The following RALGAPA1 variants were observed in gnomAD, a reference collection of about 807,000 sequenced individuals.
RALGAPA1 encodes Ral GTPase activating protein catalytic subunit alpha 1.
RALGAPA1 carries 52 observed loss-of-function variants against 269.6 expected under a neutral mutation model. That is an observed-to-expected ratio of 0.19 (90% CI 0.15 to 0.24). RALGAPA1 has a LOEUF of 0.24. Among genes scored for constraint, RALGAPA1 ranks in the 10% least tolerant of loss-of-function variants. The probability of loss-of-function intolerance (pLI) is 1.00; values close to 1 mark genes in which losing one functional copy is unlikely to be tolerated. For synonymous variants in RALGAPA1, 817 were observed against 1,008.3 expected, an observed-to-expected ratio of 0.81 and a Z score of 3.60; for missense variants, 1,917 against 3,013.9, an observed-to-expected ratio of 0.64 and a Z score of 8.52.
chr14:35,683,715 A>G (rs2065667204), intron 21 of RALGAPA1, 94 bp downstream of exon 21: 1 of 907,648 alleles, frequency 1.1e-6, no homozygotes, highest in Non-Finnish European at 1.6e-6. Flanking sequence ...TTAAATAGTA[A>G]TAAGTAATAC....
chr14:35,685,733 G>T (rs796216206), intron 19 of RALGAPA1, among the ~76,000 whole-genome samples: 1 of 152,038 alleles, frequency 6.6e-6, no homozygotes, highest in Non-Finnish European at 1.5e-5. Context: ...GTGAAACCCT[G>T]TCTCTACTAA....
intron 39 of RALGAPA1, among the ~76,000 whole-genome samples, chr14:35,550,055 G>C (rs1594523085): frequency 1.3e-5 from 2 of 152,152 alleles, no homozygotes; most frequent in East Asian, 3.8e-4. Flanking sequence ...TGTTGCTTTT[G>C]AACAACCCAC....
intron 35 of RALGAPA1, among the ~76,000 whole-genome samples, chr14:35,613,042 AAGTCAAT>A (rs1001937453): frequency 3.9e-5 from 6 of 152,068 alleles, no homozygotes; most frequent in Non-Finnish European, 7.4e-5. Flanking sequence ...AAGAACTTTA[AAGTCAAT>A]AGTAAAAGAC....
chr14:35,783,438 T>G (rs1009415997), intron 1 of RALGAPA1, among the ~76,000 whole-genome samples: 7 of 152,056 alleles, frequency 4.6e-5, no homozygotes, highest in African/African-American at 1.7e-4. Context: ...TAACTCAAAA[T>G]GGATCAAAAA....
intron 1 of RALGAPA1, among the ~76,000 whole-genome samples, chr14:35,790,656 C>T (rs1366770180): frequency 4.7e-5 from 7 of 148,978 alleles, no homozygotes; most frequent in African/African-American, 1.5e-4. Flanking sequence ...CCACTGCACT[C>T]CAGCCTGGGT....
intron 4 of RALGAPA1, among the ~76,000 whole-genome samples, chr14:35,768,236 C>T (rs1466004100): frequency 6.6e-6 from 1 of 152,136 alleles, no homozygotes; most frequent in African/African-American, 2.4e-5. Context: ...ACAAGTGAGG[C>T]TAGCTTAAAA....
At chr14:35,654,967 C>T (rs940407953) in intron 29 of RALGAPA1, among the ~76,000 whole-genome samples, 1 of 152,164 alleles carries the variant, frequency 6.6e-6, no homozygotes, top group Non-Finnish European at 1.5e-5. Flanking sequence ...TCTCTGATAA[C>T]TAAGTCAAAA....
chr14:35,600,232 C>CTTTTTTTTTTTTTTTTTTTTTTTTTTT (rs71124708), intron 36 of RALGAPA1, among the ~76,000 whole-genome samples: 70 of 86,940 alleles, frequency 8.1e-4, no homozygotes, highest in African/African-American at 1.4e-3. Flanking sequence ...TTCTTTTTTT[C>CTTTTTTTTTTTTTTTTTTTTTTTTTTT]TTTTTTTTTT....
intron 35 of RALGAPA1, among the ~76,000 whole-genome samples, chr14:35,619,464 CA>C (rs1223872874): frequency 2.6e-5 from 4 of 152,056 alleles, no homozygotes; most frequent in Non-Finnish European, 4.4e-5. Context: ...CAAACAAATT[CA>C]AAAGCTAGCA....
intron 35 of RALGAPA1, among the ~76,000 whole-genome samples, chr14:35,616,179 C>T (rs2060241222): frequency 6.6e-6 from 1 of 152,008 alleles, no homozygotes; most frequent in African/African-American, 2.4e-5. Flanking sequence ...TACTTCTAAA[C>T]ATAAATATGA....
rs766434660 is a variant in RALGAPA1 at position 35,725,121 on chromosome 14, G to A, written c.1769C>T (p.Thr590Met). ...EQMLLVLLRV[T>M]ESVLKMPSQA... ...TGATGGCATCTTCAGTACAGATTCC[G>A]TGACTCTGAGCAACACAAGCAGCAT... The change falls in exon 14 of 42, where the codon ACG (threonine) becomes ATG (methionine). Residue 590 changes from threonine (T) to methionine (M), a missense_variant. Around this residue, in one of 11 missense-constraint regions of RALGAPA1, gnomAD observed 462 missense variants for 725.6 expected, o/e 0.64. Coordinates refer to ENST00000680220, the MANE Select transcript of RALGAPA1 (RefSeq NM_001346249.2). 8.1e-6 allele frequency: 13 copies of A among 1,598,860 alleles called. No homozygotes were observed. In the Admixed American group the frequency reaches 1.0e-4, roughly 13 times the overall value.
chr14:35,790,684 T>TAA (rs75409188), intron 1 of RALGAPA1, among the ~76,000 whole-genome samples: 9 of 92,384 alleles, frequency 9.7e-5, no homozygotes, highest in African/African-American at 2.5e-4. Context: ...AGAGACTGTC[T>TAA]AAAAAAAAAA....
At chr14:35,642,177 T>C (rs1034551213) in intron 31 of RALGAPA1, among the ~76,000 whole-genome samples, 9 of 152,280 alleles carry the variant, frequency 5.9e-5, no homozygotes, top group African/African-American at 1.9e-4. Context: ...CTTGAGGGCA[T>C]TGGACTGGGC....
chr14:35,691,874 G>A (rs1046900813), intron 17 of RALGAPA1, among the ~76,000 whole-genome samples: 1 of 152,102 alleles, frequency 6.6e-6, no homozygotes, highest in Admixed American at 6.5e-5. Context: ...TCCTTAAACT[G>A]AGGGGAATGT....
At chr14:35,602,546 T>C (rs2059355169) in intron 36 of RALGAPA1, among the ~76,000 whole-genome samples, 1 of 152,234 alleles carries the variant, frequency 6.6e-6, no homozygotes, top group Non-Finnish European at 1.5e-5. Context: ...GGTTTTGATT[T>C]GCATTTCTCT....
At chr14:35,684,050 A>C in intron 20 of RALGAPA1, 65 bp from the exon 21 acceptor site, 1 of 1,258,458 alleles carries the variant, frequency 7.9e-7, no homozygotes, top group South Asian at 1.4e-5. Context: ...TACGAGAGCT[A>C]AATCAGCAAA....
At chr14:35,744,677 T>C (rs996478918) in intron 10 of RALGAPA1, among the ~76,000 whole-genome samples, 1 of 152,246 alleles carries the variant, frequency 6.6e-6, no homozygotes, top group Non-Finnish European at 1.5e-5. Flanking sequence ...AACTACTTTG[T>C]TATTTTCTTT....
At chr14:35,551,586 C>A (rs955692128) in intron 39 of RALGAPA1, among the ~76,000 whole-genome samples, 7 of 152,072 alleles carry the variant, frequency 4.6e-5, no homozygotes, top group Middle Eastern at 3.4e-3. Context: ...AAATATTTTA[C>A]ATTATATTTA....
rs2069766603 is a variant in RALGAPA1 at position 35,725,058 on chromosome 14, G to T, written c.1832C>A (p.Thr611Asn). ...TGGTCCTGCAAGTCGACCTGCCAAG[G>T]TCATATTTTTTTTCCCTTGGAACTG... is the stretch of plus-strand genomic sequence containing the variant. ...FLQFQGKKNMTLAGRLAGPLF... is the reference protein window; with the variant it reads ...FLQFQGKKNMNLAGRLAGPLF... The change falls in exon 14 of 42, where the codon ACC becomes AAC. Residue 611 changes from threonine (T) to asparagine (N), a missense_variant. Physicochemically the swap from Thr to Asn is moderately conservative, Grantham distance 65. This residue lies in a region of RALGAPA1 where 40 missense variants were observed against 112.6 expected (regional missense o/e 0.36). Transcript: ENST00000680220. 1.9e-6 allele frequency: 3 copies of T among 1,603,808 alleles called. No individual in the cohort carries two copies. The highest frequency in any genetic ancestry group is 1.3e-5 in the African/African-American group (1 of 74,470).
Sources: allele counts gnomAD v4.1 joint callset (sites outside exome capture counted in the v4.1 genomes callset), GRCh38; gene constraint gnomAD v4.1.1; regional missense constraint gnomAD v4.1.1; transcripts MANE v1.5; gene names NCBI Gene and HGNC (gene_info 2026-07-23, HGNC 2026-07-21).